Variants in BTAF1 observed in about 807,000 individuals in gnomAD.
The protein encoded by BTAF1 is TATA-binding protein-associated factor 172.
A neutral mutation model predicts 227.1 loss-of-function variants in BTAF1; 38 were observed. That is an observed-to-expected ratio of 0.17 (90% CI 0.13 to 0.22). BTAF1 has a LOEUF of 0.22. BTAF1 is among the 10% of genes least tolerant of loss of function. The probability of loss-of-function intolerance (pLI) is 1.00; values close to 1 mark genes in which losing one functional copy is unlikely to be tolerated. For missense variants in BTAF1, 1,598 were observed against 2,204.0 expected (o/e 0.73, Z 5.51); for synonymous variants, 742 against 751.9 (o/e 0.99, Z 0.21).
Position 91,989,317 on chromosome 10 carries a change from T to A in BTAF1, c.2591T>A (p.Val864Asp). ...GTGCATACTTTTGCTGCCTGTGCAG[T>A]TGTGAGCTTGCAGCAGCTTCCGGAG... ...LRVHTFAACA[V>D]VSLQQLPEKL... is the part of the protein sequence containing the mutation. Residue 864 changes from valine to aspartate, a missense_variant, in exon 20 of 38, where the codon GTT becomes GAT. Transcript: ENST00000265990. 3.7e-6 allele frequency: 6 copies of A among 1,614,118 alleles called. No individual in the cohort carries two copies. Among genetic ancestry groups the A allele is most frequent in the Non-Finnish European group, 5.1e-6 (6 of 1,180,028 alleles).
intron 14 of BTAF1, 71 bp downstream of exon 14, chr10:91,966,828 G>A: frequency 7.1e-7 from 1 of 1,416,968 alleles, no homozygotes; most frequent in Non-Finnish European, 9.5e-7. Flanking sequence ...CTGGTCTTTA[G>A]CTTACCCTTG....
At position 91,951,577 on chromosome 10, in the gene BTAF1, C is replaced by T. The variant is rs750948824; in HGVS notation, c.564+11C>T. The T allele has an allele frequency of 7.0e-6, 11 of 1,569,200 alleles. No homozygotes were observed. The highest frequency in any genetic ancestry group is 2.0e-5 in the Admixed American group (1 of 48,934). Reference sequence around the variant, plus strand: ...GTTAACAAACAACCTGTAGGTAAAACGTTTGGTTATTTGATTGCAAGTAAT... The same window carrying T: ...GTTAACAAACAACCTGTAGGTAAAATGTTTGGTTATTTGATTGCAAGTAAT... On this transcript the variant is annotated intron_variant, in intron 5 of 37. Coordinates refer to ENST00000265990, the MANE Select transcript of BTAF1 (RefSeq NM_003972.3).
In BTAF1 at chr10:92,017,110, T is replaced by C. The variant is rs550528433; in HGVS notation, c.4710+645T>C. Reference sequence around the variant, plus strand: ...CAGCAGATAAAACAGACTCCTTCCCTTGTAGAGATGAAAAATACTTAGGTA... The same window carrying C: ...CAGCAGATAAAACAGACTCCTTCCCCTGTAGAGATGAAAAATACTTAGGTA... On this transcript the variant is annotated intron_variant, in intron 33 of 37. Transcript: ENST00000265990. Among the ~76,000 whole-genome samples the C allele has an allele frequency of 2.6e-5, 4 of 152,306 alleles. No homozygotes were observed. In the South Asian group the frequency reaches 8.3e-4, roughly 32 times the overall value.
intron 14 of BTAF1, among the ~76,000 whole-genome samples, chr10:91,969,326 ATAC>A (rs2133933244): frequency 6.6e-6 from 1 of 152,230 alleles, no homozygotes; most frequent in Non-Finnish European, 1.5e-5. Context: ...TAACTGAAAT[ATAC>A]TTTTTTTGCC....
chr10:91,964,670 T>C (rs774898192), intron 13 of BTAF1, among the ~76,000 whole-genome samples: 10 of 152,136 alleles, frequency 6.6e-5, no homozygotes, highest in Non-Finnish European at 1.2e-4. Flanking sequence ...ATGAAGGAAA[T>C]ACATAATAAT....
intron 25 of BTAF1, among the ~76,000 whole-genome samples, chr10:91,999,849 A>G (rs981066823): frequency 6.4e-4 from 98 of 152,316 alleles, no homozygotes; most frequent in African/African-American, 1.9e-3. Context: ...TTCCTTTTTT[A>G]TTAAATTCAA....
chr10:91,998,922 G>A (rs1849315278), intron 25 of BTAF1, among the ~76,000 whole-genome samples: 1 of 152,028 alleles, frequency 6.6e-6, no homozygotes, highest in African/African-American at 2.4e-5. Context: ...AATTTGTGGG[G>A]CGTGGTGGCA....
At chr10:91,958,911 C>G (rs1846288921) in intron 8 of BTAF1, among the ~76,000 whole-genome samples, 154 bp from the exon 9 acceptor site, 1 of 152,158 alleles carries the variant, frequency 6.6e-6, no homozygotes, top group African/African-American at 2.4e-5. Context: ...TGTAATTCTT[C>G]TTAGATAGTT....
chr10:91,960,173 G>T lies in BTAF1; in HGVS notation c.1263+19G>T, dbSNP rs764565846. The stretch of plus-strand genomic sequence containing the variant: ...CCGTCAGGTAAATATTTCAAGTTTT[G>T]AAGCTTATGTGGGAGAGTTTTTTCC... On this transcript the variant is annotated intron_variant, in intron 11 of 37. Coordinates refer to ENST00000265990, the MANE Select transcript of BTAF1 (RefSeq NM_003972.3). The T allele has an allele frequency of 6.2e-7, 1 of 1,608,220 alleles. No homozygotes were observed.
chr10:91,943,207 G>A (rs780748878), intron 4 of BTAF1, among the ~76,000 whole-genome samples: 5 of 152,080 alleles, frequency 3.3e-5, no homozygotes, highest in East Asian at 3.9e-4. Flanking sequence ...CCAGCTACCC[G>A]TGAGGCTGAG....
At chr10:91,996,330 T>G (rs1244953564) in intron 23 of BTAF1, 39 bp from the exon 24 acceptor site, 1 of 1,566,240 alleles carries the variant, frequency 6.4e-7, no homozygotes, top group African/African-American at 1.4e-5. Context: ...AAACAGTATT[T>G]CCTAATAATT....
In BTAF1 at chr10:91,925,516, C is replaced by CTTTTTTTTTTTTTTTTTTTTTTTTT. The variant is rs6144026; in HGVS notation, c.14+1439_14+1440insTTTTTTTTTTTTTTTTTTTTTTTTT. On this transcript the variant is annotated intron_variant, in intron 1 of 37. Transcript: ENST00000265990. ...CCTAATTTTCGGGCAACGCTAATCT[C>CTTTTTTTTTTTTTTTTTTTTTTTTT]TTTTTTTTTTTTTGAGAAGGAATCT... Among the ~76,000 whole-genome samples, 4 of 114,580 alleles carry CTTTTTTTTTTTTTTTTTTTTTTTTT rather than the reference C, an allele frequency of 3.5e-5. 1 individual carries two copies. Among genetic ancestry groups the CTTTTTTTTTTTTTTTTTTTTTTTTT allele is most frequent in the Non-Finnish European group, 5.7e-5 (3 of 52,898 alleles). 75.2% of individuals were successfully genotyped at this position (114,580 alleles called of 152,430 possible).
chr10:91,944,674 T>A (rs1845241247), intron 4 of BTAF1, among the ~76,000 whole-genome samples: 1 of 152,248 alleles, frequency 6.6e-6, no homozygotes, highest in Non-Finnish European at 1.5e-5. Context: ...TTTTCGTCAC[T>A]TTAAGAAGAA....
intron 11 of BTAF1, among the ~76,000 whole-genome samples, chr10:91,962,237 C>T (rs530715225): frequency 6.6e-6 from 1 of 152,204 alleles, no homozygotes; most frequent in East Asian, 1.9e-4. Flanking sequence ...TAGTAGCTGC[C>T]TATGGTATTC....
At chr10:92,008,418 A>T in intron 26 of BTAF1, 143 bp downstream of exon 26, 1 of 791,896 alleles carries the variant, frequency 1.3e-6, no homozygotes. Context: ...ATCATGGTTC[A>T]CTGCAGCCTC....
intron 3 of BTAF1, among the ~76,000 whole-genome samples, chr10:91,940,381 T>C (rs1409453575): frequency 1.3e-5 from 2 of 152,172 alleles, no homozygotes; most frequent in African/African-American, 4.8e-5. Flanking sequence ...TGTAAATATT[T>C]GAAAGTCTTT....
intron 34 of BTAF1, among the ~76,000 whole-genome samples, chr10:92,023,869 A>T (rs57985591): frequency 6.6e-6 from 1 of 152,062 alleles, no homozygotes; most frequent in Non-Finnish European, 1.5e-5. Flanking sequence ...CTTGACCTCA[A>T]GTGATCTGCC....
intron 25 of BTAF1, among the ~76,000 whole-genome samples, chr10:91,999,912 A>G (rs1288502248): frequency 1.3e-5 from 2 of 152,178 alleles, no homozygotes; most frequent in African/African-American, 4.8e-5. Context: ...TAAAGAAATT[A>G]CCATAAAAGT....
chr10:91,962,390 G>A (rs1846589733), intron 11 of BTAF1, 148 bp from the exon 12 acceptor site: 7 of 555,588 alleles, frequency 1.3e-5, no homozygotes, highest in African/African-American at 1.9e-5. Context: ...ATTGCCTGAT[G>A]TATTTCTCAG....
Sources: gnomAD v4.1 joint callset for allele counts (sites outside exome capture counted in the v4.1 genomes callset) on GRCh38, gnomAD v4.1.1 for gene constraint, MANE v1.5 for transcripts, NCBI Gene and HGNC (gene_info 2026-07-23, HGNC 2026-07-21) for gene names.